The following SLC7A2 variants were observed in gnomAD, a reference collection of about 807,000 sequenced individuals.
The protein encoded by SLC7A2 is cationic amino acid transporter 2.
SLC7A2 carries 48 observed loss-of-function variants against 58.9 expected under a neutral mutation model. The observed-to-expected ratio is 0.82, with a 90% CI of 0.65 to 1.04. The LOEUF is 1.04. Ranked by LOEUF, SLC7A2 falls within the 50% of genes least tolerant of loss-of-function variation. The probability of loss-of-function intolerance (pLI) is 0.00; values close to 1 mark genes in which losing one functional copy is unlikely to be tolerated. For missense variants in SLC7A2, 1,029 were observed against 818.8 expected, an observed-to-expected ratio of 1.26 and a Z score of -3.13; for synonymous variants, 363 against 314.5, an observed-to-expected ratio of 1.15 and a Z score of -1.63.
At chr8:17,511,217 A>G (rs551590746) in intron 2 of SLC7A2, 1 of 152,330 alleles carries the variant, frequency 6.6e-6, no homozygotes, top group South Asian at 2.1e-4. Flanking sequence ...ATACCTACGT[A>G]GCAAAGCTGC....
intron 2 of SLC7A2, among the ~76,000 whole-genome samples, chr8:17,529,074 A>G (rs1321219791): frequency 1.3e-5 from 2 of 152,266 alleles, no homozygotes; most frequent in Non-Finnish European, 2.9e-5. Context: ...CATGTACTTT[A>G]TAATAAAAAA....
At chr8:17,500,745 T>A (rs1028416059) in intron 1 of SLC7A2, 1 of 152,154 alleles carries the variant, frequency 6.6e-6, no homozygotes, top group Non-Finnish European at 1.5e-5. Flanking sequence ...GCCGAGATCG[T>A]GCCACTGCAC....
At chr8:17,495,263 C>G (rs749018896), upstream of SLC7A2, among the ~76,000 whole-genome samples, 30 of 152,020 alleles carry the variant, frequency 2.0e-4, no homozygotes, top group Non-Finnish European at 3.7e-4. Flanking sequence ...TTTTTTAAAC[C>G]AGGTGAAAAA....
chr8:17,543,758 A>ATCGCAGCCCTGAG lies in SLC7A2; in HGVS notation c.376+46_376+58dup, dbSNP rs756159743. ...ATCTAACTTGTGTGGAATGGAAGAA[A>ATCGCAGCCCTGAG]TCGCAGCCCTGAGTCACAGCCCTTA... On this transcript the variant is annotated intron_variant, in intron 3 of 12. Coordinates refer to ENST00000494857, the MANE Select transcript of SLC7A2 (RefSeq NM_001370338.1). The ATCGCAGCCCTGAG allele has an allele frequency of 1.8e-5, 27 of 1,498,722 alleles. No individual in the cohort carries two copies. In the Admixed American group the frequency reaches 4.4e-4, roughly 25 times the overall value. 92.8% of individuals were successfully genotyped at this position (1,498,722 alleles called of 1,614,324 possible).
chr8:17,535,614 C>G (rs139643417), intron 2 of SLC7A2, among the ~76,000 whole-genome samples: 4 of 152,282 alleles, frequency 2.6e-5, no homozygotes, highest in Middle Eastern at 3.4e-3. Flanking sequence ...AAGAAATTTA[C>G]ATTTTTGGCC....
intron 1 of SLC7A2, among the ~76,000 whole-genome samples, chr8:17,497,875 T>G (rs1167280888): frequency 6.6e-6 from 1 of 152,188 alleles, no homozygotes; most frequent in Non-Finnish European, 1.5e-5. Context: ...GCCCGTTTCA[T>G]GAAACGCTGT....
At chr8:17,555,185 A>T (rs1802637669) in intron 8 of SLC7A2, 1 of 1,045,600 alleles carries the variant, frequency 9.6e-7, no homozygotes, top group Non-Finnish European at 1.3e-6. Context: ...GTAAGTTAAA[A>T]AAAACAAAAT....
intron 2 of SLC7A2, among the ~76,000 whole-genome samples, chr8:17,536,217 TG>T (rs1219487754): frequency 6.6e-6 from 1 of 151,998 alleles, no homozygotes; most frequent in African/African-American, 2.4e-5. Context: ...CAGTGGGCAT[TG>T]GGAGAAATGA....
upstream of SLC7A2, among the ~76,000 whole-genome samples, chr8:17,496,472 G>T (rs953241611): frequency 6.6e-6 from 1 of 152,102 alleles, no homozygotes; most frequent in Non-Finnish European, 1.5e-5. Flanking sequence ...AAACAATAGC[G>T]CAGTAGGAGA....
chr8:17,495,308 C>CA (rs1030928131), upstream of SLC7A2, among the ~76,000 whole-genome samples: 4 of 152,072 alleles, frequency 2.6e-5, no homozygotes, highest in African/African-American at 9.7e-5. Flanking sequence ...AAAAATTAGA[C>CA]AAAGTATCTG....
intron 2 of SLC7A2, among the ~76,000 whole-genome samples, chr8:17,525,158 G>C (rs1445414711): frequency 6.6e-6 from 1 of 152,060 alleles, no homozygotes; most frequent in Non-Finnish European, 1.5e-5. Context: ...TTCTTTCTGG[G>C]TGTCTTAGAG....
intron 2 of SLC7A2, among the ~76,000 whole-genome samples, chr8:17,505,007 C>T (rs1026716213): frequency 1.2e-4 from 18 of 152,156 alleles, no homozygotes; most frequent in African/African-American, 4.1e-4. Flanking sequence ...AGCAGCTGTT[C>T]TGTGCAGCAG....
chr8:17,544,718 A>C, intron 4 of SLC7A2, 112 bp downstream of exon 4: 1 of 851,976 alleles, frequency 1.2e-6, no homozygotes, highest in Non-Finnish European at 1.8e-6. Flanking sequence ...TAGTATATTT[A>C]CACATTTATG....
At chr8:17,528,532 T>G (rs1801311806) in intron 2 of SLC7A2, among the ~76,000 whole-genome samples, 1 of 151,976 alleles carries the variant, frequency 6.6e-6, no homozygotes, top group Admixed American at 6.6e-5. Flanking sequence ...GCACTACAGG[T>G]GCGCATCACC....
At chr8:17,544,397 T>C in intron 3 of SLC7A2, 54 bp from the exon 4 acceptor site, 1 of 1,518,054 alleles carries the variant, frequency 6.6e-7, no homozygotes, top group South Asian at 1.2e-5. Flanking sequence ...TAGCAAATGA[T>C]GCTACTTTAA....
chr8:17,498,066 T>G (rs1800021759), intron 1 of SLC7A2, among the ~76,000 whole-genome samples: 1 of 152,182 alleles, frequency 6.6e-6, no homozygotes. Flanking sequence ...ATGTGGCTTT[T>G]GAAGTGGATA....
chr8:17,511,213 A>G (rs1393270609), intron 2 of SLC7A2: 2 of 152,158 alleles, frequency 1.3e-5, no homozygotes, highest in Admixed American at 6.6e-5. Flanking sequence ...ACGTATACCT[A>G]CGTAGCAAAG....
At chr8:17,538,996 A>G (rs962297539) in intron 2 of SLC7A2, 1 of 1,323,514 alleles carries the variant, frequency 7.6e-7, no homozygotes, top group African/African-American at 1.5e-5. Flanking sequence ...TACTTAGGGG[A>G]GGAAGGGAAA....
At position 17,551,747 on chromosome 8, in the gene SLC7A2, T is replaced by C; in HGVS notation, c.833-17T>C. ...TGTTTTATTAAGCATACACATCTTT[T>C]GTTTATATTTCCTTAGGTGAAGAAG... On this transcript the variant is annotated splice_polypyrimidine_tract_variant and intron_variant, in intron 6 of 12. Transcript: ENST00000494857. 6.4e-7 allele frequency: 1 copy of C among 1,571,820 alleles called. No homozygotes were observed. The highest frequency in any genetic ancestry group is 2.2e-5 in the East Asian group (1 of 44,668).
Sources: gnomAD v4.1 joint callset for allele counts (sites outside exome capture counted in the v4.1 genomes callset) on GRCh38, gnomAD v4.1.1 for gene constraint, MANE v1.5 for transcripts, NCBI Gene and HGNC (gene_info 2026-07-23, HGNC 2026-07-21) for gene names.